The following NAV2 variants were observed in gnomAD, a reference collection of about 807,000 sequenced individuals.
NAV2 encodes the protein helicase, APC down-regulated 1.
NAV2 carries 54 observed loss-of-function variants against 223.2 expected under a neutral mutation model. That is an observed-to-expected ratio of 0.24 (90% CI 0.19 to 0.30). NAV2 has a LOEUF of 0.30. NAV2 is among the 10% of genes least tolerant of loss of function. NAV2 has a pLI of 1.00. For missense variants in NAV2, 2,806 were observed against 3,147.5 expected, an observed-to-expected ratio of 0.89 and a Z score of 2.60; for synonymous variants, 1,279 against 1,239.3, an observed-to-expected ratio of 1.03 and a Z score of -0.67.
chr11:19,468,543 A>G (rs756173108), intron 1 of NAV2, among the ~76,000 whole-genome samples: 2 of 152,056 alleles, frequency 1.3e-5, no homozygotes, highest in African/African-American at 4.8e-5. Context: ...CTCTTCTTAT[A>G]AGGACATCAC....
chr11:19,605,849 G>T (rs557315714), intron 1 of NAV2, among the ~76,000 whole-genome samples: 21 of 152,316 alleles, frequency 1.4e-4, no homozygotes, highest in Non-Finnish European at 2.8e-4. Flanking sequence ...TTGGGCGTGG[G>T]TTGTGTTGTT....
At chr11:19,608,900 C>T (rs2046554586) in intron 1 of NAV2, among the ~76,000 whole-genome samples, 1 of 152,186 alleles carries the variant, frequency 6.6e-6, no homozygotes, top group Non-Finnish European at 1.5e-5. Context: ...CTAGAGGCTG[C>T]CCACACTGCT....
chr11:19,751,661 C>T (rs1245815604), intron 1 of NAV2, among the ~76,000 whole-genome samples: 1 of 152,152 alleles, frequency 6.6e-6, no homozygotes, highest in Non-Finnish European at 1.5e-5. Flanking sequence ...TAAACTAGCA[C>T]CCCAATATTC....
Position 19,880,032 on chromosome 11 carries a change from T to G in NAV2, c.675T>G (p.Pro225=). The part of the protein sequence containing the change: ...GAPSQCQAGT[P]QQQVPVTPQA... ...CCTCCCAGTGCCAGGCTGGCACCCC[T>G]CAGCAGCAGGTGCCAGTCACTCCCC... Residue 225 remains proline, a synonymous_variant, in exon 5 of 38, where the codon CCT becomes CCG. Transcript: ENST00000349880. 6.2e-7 allele frequency: 1 copy of G among 1,613,618 alleles called. No individual in the cohort carries two copies. Among genetic ancestry groups the G allele is most frequent in the Non-Finnish European group, 8.5e-7 (1 of 1,179,792 alleles).
intron 1 of NAV2, among the ~76,000 whole-genome samples, chr11:19,742,165 C>T (rs1305124148): frequency 6.6e-6 from 1 of 152,210 alleles, no homozygotes; most frequent in African/African-American, 2.4e-5. Flanking sequence ...GCCCCTTATA[C>T]TCCAGCCCAA....
intron 1 of NAV2, among the ~76,000 whole-genome samples, chr11:19,475,246 C>T (rs1806985826): frequency 6.6e-6 from 1 of 152,188 alleles, no homozygotes; most frequent in Admixed American, 6.5e-5. Flanking sequence ...TGTGTTACGT[C>T]AAAGGATTTG....
rs113528830 is a variant in NAV2 at position 19,905,447 on chromosome 11, T to A, written c.931+12853T>A. 5.4e-3 allele frequency among the ~76,000 whole-genome samples: 827 copies of A among 152,304 alleles called. 7 individuals carry two copies. The highest frequency in any genetic ancestry group is 0.023 in the South Asian group (113 of 4,826). ...AAAAATCTATTTCACTGACATGCTG[T>A]AGGGGGCAGTATTCATTAAGGAAAA... is the stretch of plus-strand genomic sequence containing the variant. On this transcript the variant is annotated intron_variant, in intron 6 of 37. Transcript: ENST00000349880.
At chr11:20,075,785 C>A (rs557409851) in intron 22 of NAV2, among the ~76,000 whole-genome samples, 37 of 151,558 alleles carry the variant, frequency 2.4e-4, no homozygotes, top group African/African-American at 9.0e-4. Context: ...CCACCCACCC[C>A]CCATGCTTAT....
At chr11:19,845,592 G>A (rs1590855815) in intron 3 of NAV2, among the ~76,000 whole-genome samples, 1 of 152,162 alleles carries the variant, frequency 6.6e-6, no homozygotes, top group South Asian at 2.1e-4. Context: ...GTTTTCAGTG[G>A]GTCAGTTTGT....
At chr11:19,926,781 A>C (rs2153233243) in intron 6 of NAV2, among the ~76,000 whole-genome samples, 1 of 152,298 alleles carries the variant, frequency 6.6e-6, no homozygotes, top group Admixed American at 6.5e-5. Context: ...AAGACTTGGG[A>C]GAGGATTTAG....
At chr11:19,702,565 G>T (rs765965352) in intron 1 of NAV2, among the ~76,000 whole-genome samples, 1 of 152,056 alleles carries the variant, frequency 6.6e-6, no homozygotes, top group Non-Finnish European at 1.5e-5. Context: ...GATTGCTTGA[G>T]CCCAGGAGTT....
At chr11:19,826,986 C>T (rs1054253258) in intron 1 of NAV2, among the ~76,000 whole-genome samples, 2 of 152,156 alleles carry the variant, frequency 1.3e-5, no homozygotes, top group South Asian at 2.1e-4. Context: ...CCAGCATACA[C>T]GTTCTCTACA....
chr11:19,813,629 C>G (rs1166031831), intron 1 of NAV2, among the ~76,000 whole-genome samples: 1 of 152,152 alleles, frequency 6.6e-6, no homozygotes, highest in East Asian at 1.9e-4. Context: ...AGGAGGTGGC[C>G]TGTGTAAGAA....
At chr11:19,834,707 C>T (rs2060139953) in intron 2 of NAV2, among the ~76,000 whole-genome samples, 1 of 152,112 alleles carries the variant, frequency 6.6e-6, no homozygotes, top group Admixed American at 6.5e-5. Context: ...TGAAAACTTC[C>T]CAGGTTTTAG....
In NAV2 at chr11:19,469,715, T is replaced by C. The variant is rs7946752; in HGVS notation, c.75+118688T>C. Among the ~76,000 whole-genome samples the C allele has an allele frequency of 3.2e-3, 493 of 152,334 alleles. 4 individuals are homozygous for C. The highest frequency in any genetic ancestry group is 0.011 in the African/African-American group (476 of 41,576). ...AAAAACCACTGAAGTCCAAGCATCA[T>C]TGTTTAACTGGGCTATGATATTTTC... On this transcript the variant is annotated intron_variant, in intron 1 of 37. Coordinates refer to the NAV2 transcript ENST00000360655.
At chr11:19,375,862 C>T (rs1163565798) in intron 1 of NAV2, among the ~76,000 whole-genome samples, 1 of 152,044 alleles carries the variant, frequency 6.6e-6, no homozygotes, top group Non-Finnish European at 1.5e-5. Flanking sequence ...ATTTTATTAG[C>T]CTTTCCACAC....
chr11:19,374,472 C>A (rs983847332), intron 1 of NAV2, among the ~76,000 whole-genome samples: 4 of 152,158 alleles, frequency 2.6e-5, no homozygotes, highest in Admixed American at 6.5e-5. Context: ...TATTCTCTGG[C>A]AACACATATG....
At chr11:19,402,845 A>G (rs1395761881) in intron 1 of NAV2, among the ~76,000 whole-genome samples, 2 of 152,224 alleles carry the variant, frequency 1.3e-5, no homozygotes, top group Admixed American at 1.3e-4. Flanking sequence ...AACTGAATGT[A>G]TGAGTAAGGA....
chr11:19,882,448 T>C (rs1307600632), intron 5 of NAV2, among the ~76,000 whole-genome samples: 1 of 152,206 alleles, frequency 6.6e-6, no homozygotes, highest in Non-Finnish European at 1.5e-5. Flanking sequence ...GCATTATGAA[T>C]GTTCAGACAG....
Sources: allele counts gnomAD v4.1 joint callset (sites outside exome capture counted in the v4.1 genomes callset), GRCh38; gene constraint gnomAD v4.1.1; transcripts MANE v1.5; gene names NCBI Gene and HGNC (gene_info 2026-07-23, HGNC 2026-07-21).